RAB38: variants seen among roughly 807,000 people sequenced by gnomAD.
The protein encoded by RAB38 is RAB38, member RAS oncogene family, also known as ras-related protein Rab-38.
A neutral mutation model predicts 18.4 loss-of-function variants in RAB38; 15 were observed. The observed-to-expected ratio is 0.82, with a 90% CI of 0.55 to 1.26. RAB38 has a LOEUF of 1.26. RAB38 is among the 50% of genes most tolerant of loss of function. RAB38 has a pLI of 0.00. For missense variants in RAB38, 294 were observed against 267.4 expected, an observed-to-expected ratio of 1.10 and a Z score of -0.69; for synonymous variants, 101 against 104.4, an observed-to-expected ratio of 0.97 and a Z score of 0.20.
the RAB38 span, among the ~76,000 whole-genome samples, chr11:87,814,365 T>C: frequency 2.0e-5 from 3 of 152,222 alleles, no homozygotes; most frequent in Admixed American, 2.0e-4. Flanking sequence ...ATCATGAATG[T>C]ATTATAGCTG....
the RAB38 span, among the ~76,000 whole-genome samples, chr11:88,033,238 G>A: frequency 6.6e-6 from 1 of 151,872 alleles, no homozygotes; most frequent in Non-Finnish European, 1.5e-5. Flanking sequence ...GGCGTGGGAG[G>A]AGGGGGGAGG....
chr11:88,131,544 T>C (rs1942767789), intron 2 of RAB38, among the ~76,000 whole-genome samples: 1 of 152,242 alleles, frequency 6.6e-6, no homozygotes, highest in African/African-American at 2.4e-5. Context: ...GGGTTTCCTA[T>C]AAAACTATCA....
intron 1 of RAB38, among the ~76,000 whole-genome samples, chr11:88,151,447 C>A (rs1943062642): frequency 6.6e-6 from 1 of 152,156 alleles, no homozygotes; most frequent in Admixed American, 6.5e-5. Context: ...AAGACAGGAG[C>A]TAATGAAGAC....
intron 2 of RAB38, among the ~76,000 whole-genome samples, chr11:88,119,292 T>C (rs1942599536): frequency 1.3e-5 from 2 of 152,044 alleles, no homozygotes; most frequent in African/African-American, 4.8e-5. Context: ...CCTCACACAA[T>C]ATTCCCATAT....
At chr11:87,962,861 T>C in the RAB38 span, among the ~76,000 whole-genome samples, 1 of 152,210 alleles carries the variant, frequency 6.6e-6, no homozygotes, top group African/African-American at 2.4e-5. Context: ...TTAACTAGCT[T>C]GATTTAAACA....
the RAB38 span, among the ~76,000 whole-genome samples, chr11:87,941,214 G>GATATATATATAT: frequency 0.023 from 1,411 of 62,414 alleles, 94 homozygotes; most frequent in African/African-American, 0.042. Flanking sequence ...AAATATATGA[G>GATATATATATAT]ATATATATAT....
chr11:87,959,675 T>A, the RAB38 span, among the ~76,000 whole-genome samples: 1 of 152,198 alleles, frequency 6.6e-6, no homozygotes, highest in African/African-American at 2.4e-5. Flanking sequence ...TGAGCAAAAG[T>A]AATATGAGCA....
chr11:87,826,192 A>T, the RAB38 span, among the ~76,000 whole-genome samples: 1 of 152,124 alleles, frequency 6.6e-6, no homozygotes, highest in East Asian at 1.9e-4. Flanking sequence ...TCCCCTAGGG[A>T]TGAGGATTCA....
the RAB38 span, among the ~76,000 whole-genome samples, chr11:87,861,789 G>C: frequency 6.6e-6 from 1 of 151,634 alleles, no homozygotes; most frequent in South Asian, 2.1e-4. Context: ...TTCCTGATTT[G>C]GCTCCTTTTA....
At chr11:87,842,081 T>C in the RAB38 span, among the ~76,000 whole-genome samples, 1 of 152,200 alleles carries the variant, frequency 6.6e-6, no homozygotes, top group Non-Finnish European at 1.5e-5. Context: ...TTGTATAACC[T>C]GACATTTTTG....
At chr11:88,148,252 A>C (rs1181651188) in intron 2 of RAB38, among the ~76,000 whole-genome samples, 4 of 152,208 alleles carry the variant, frequency 2.6e-5, no homozygotes, top group Non-Finnish European at 4.4e-5. Flanking sequence ...ACAGGCATCA[A>C]GGCTCTCCAG....
At chr11:88,134,470 G>C (rs904708726) in intron 2 of RAB38, among the ~76,000 whole-genome samples, 1 of 152,084 alleles carries the variant, frequency 6.6e-6, no homozygotes, top group African/African-American at 2.4e-5. Flanking sequence ...GCAAACTCTT[G>C]ACCTTAAGTG....
the RAB38 span, among the ~76,000 whole-genome samples, chr11:88,071,145 G>A: frequency 1.3e-5 from 2 of 152,042 alleles, no homozygotes; most frequent in Non-Finnish European, 2.9e-5. Flanking sequence ...AAGCATGCAG[G>A]TTCTGATCAG....
At chr11:88,077,614 C>T in the RAB38 span, among the ~76,000 whole-genome samples, 43 of 152,056 alleles carry the variant, frequency 2.8e-4, no homozygotes, top group Admixed American at 5.2e-4. Context: ...TGAAACTAGA[C>T]TTGTATTGTT....
the RAB38 span, among the ~76,000 whole-genome samples, chr11:87,837,291 G>A: frequency 2.0e-5 from 3 of 152,172 alleles, no homozygotes; most frequent in South Asian, 2.1e-4. Context: ...TTGGGTGCTT[G>A]TGTGTGAGCT....
chr11:88,080,833 T>TGGAA, the RAB38 span, among the ~76,000 whole-genome samples: 3 of 88,156 alleles, frequency 3.4e-5, no homozygotes, highest in African/African-American at 9.9e-5. Flanking sequence ...CAATTTAGCA[T>TGGAA]GGAAGGAAGG....
chr11:88,035,997 T>A, the RAB38 span, among the ~76,000 whole-genome samples: 29 of 152,120 alleles, frequency 1.9e-4, no homozygotes, highest in African/African-American at 3.4e-4. Flanking sequence ...ATAATAAAAT[T>A]AAATTAAATT....
chr11:87,836,068 G>A, the RAB38 span, among the ~76,000 whole-genome samples: 1 of 152,130 alleles, frequency 6.6e-6, no homozygotes, highest in East Asian at 1.9e-4. Flanking sequence ...TGTGGGGGAA[G>A]CTTTCTAGAA....
At chr11:87,920,406 A>G in the RAB38 span, among the ~76,000 whole-genome samples, 1 of 152,058 alleles carries the variant, frequency 6.6e-6, no homozygotes, top group African/African-American at 2.4e-5. Flanking sequence ...TTGGTTGTTT[A>G]GGAACACATT....
Sources: gnomAD v4.1 joint callset for allele counts (sites outside exome capture counted in the v4.1 genomes callset) on GRCh38, gnomAD v4.1.1 for gene constraint, MANE v1.5 for transcripts, NCBI Gene and HGNC (gene_info 2026-07-23, HGNC 2026-07-21) for gene names.